ZFYVE28: variants seen among roughly 807,000 people sequenced by gnomAD.
ZFYVE28 encodes the protein lateral signaling target protein 2 homolog.
ZFYVE28 carries 40 observed loss-of-function variants against 82.1 expected under a neutral mutation model. That is an observed-to-expected ratio of 0.49 (90% CI 0.38 to 0.63). ZFYVE28 has a LOEUF of 0.63. Among genes scored for constraint, ZFYVE28 ranks in the 30% least tolerant of loss-of-function variants. The pLI is 0.00. For missense variants in ZFYVE28, 1,321 were observed against 1,242.1 expected (o/e 1.06, Z -0.96); for synonymous variants, 612 against 546.1 (o/e 1.12, Z -1.68).
chr4:2,330,370 G>A (rs1720476194), intron 6 of ZFYVE28: 22 of 1,001,094 alleles, frequency 2.2e-5, no homozygotes, highest in Non-Finnish European at 2.6e-5. Context: ...ACATCGCAGA[G>A]GGAGGTACAG....
chr4:2,330,756 G>T (rs1264697552), intron 6 of ZFYVE28: 16 of 1,504,880 alleles, frequency 1.1e-5, no homozygotes, highest in Non-Finnish European at 1.4e-5. Flanking sequence ...GCGGGGGAGG[G>T]GACAGTGTGG....
rs1323244775 is a variant in ZFYVE28 at position 2,394,993 on chromosome 4, CAGG to C, written c.39+23289_39+23291del. 1.3e-5 allele frequency among the ~76,000 whole-genome samples: 2 copies of C among 152,212 alleles called. No homozygotes were observed. Among genetic ancestry groups the C allele is most frequent in the African/African-American group, 2.4e-5 (1 of 41,456 alleles). Reference sequence around the variant, plus strand: ...CCAGGAGAAGCTTCTGTCTTCTTTCCAGGAGATGAAATGAAATGGCACAGGGTG... The same window carrying C: ...CCAGGAGAAGCTTCTGTCTTCTTTCCAGATGAAATGAAATGGCACAGGGTG... On this transcript the variant is annotated intron_variant, in intron 1 of 12. Coordinates refer to ENST00000290974, the MANE Select transcript of ZFYVE28 (RefSeq NM_020972.3). This position sits in a 1 kb window ranked among gnomAD's most constrained non-coding sequence, Gnocchi z 4.0.
Position 2,274,121 on chromosome 4 carries a change from A to ATCT in ZFYVE28, c.2144_2146dup (p.Lys715dup), listed in dbSNP as rs1346736316. On this transcript the variant is annotated inframe_insertion, in exon 9 of 13. Transcript: ENST00000290974. ...GTGGCTGCCGTGGAACCTGGACCGG[A>ATCT]TCTTCTCTCTTGTGGCCTGTGGGGC... is the stretch of plus-strand genomic sequence containing the variant. 2 of 1,613,560 alleles carry ATCT rather than the reference A, an allele frequency of 1.2e-6. No individual in the cohort carries two copies. The highest frequency in any genetic ancestry group is 3.3e-5 in the Admixed American group (2 of 60,018).
At chr4:2,415,337 C>T (rs2108692742) in intron 1 of ZFYVE28, among the ~76,000 whole-genome samples, 1 of 152,162 alleles carries the variant, frequency 6.6e-6, no homozygotes. Flanking sequence ...TCAGTGCTGG[C>T]CAAGCACAGT....
rs1276976009 is a variant in ZFYVE28 at position 2,409,491 on chromosome 4, C to T, written c.39+8794G>A. 6.6e-6 allele frequency among the ~76,000 whole-genome samples: 1 copy of T among 152,148 alleles called. No individual in the cohort carries two copies. The highest frequency in any genetic ancestry group is 1.5e-5 in the Non-Finnish European group (1 of 68,016). ...CACCTTGTCCCCTGTGCTCCAAGTG[C>T]ACCCAGCCTTTCAGGCTCCGCGACC... On this transcript the variant is annotated intron_variant, in intron 1 of 12. Transcript: ENST00000290974. The surrounding 1 kb of genome is among the most constrained non-coding windows in gnomAD (Gnocchi z 4.4).
At chr4:2,338,496 G>A (rs1348129020) in intron 4 of ZFYVE28, among the ~76,000 whole-genome samples, 1 of 152,190 alleles carries the variant, frequency 6.6e-6, no homozygotes, top group Non-Finnish European at 1.5e-5. Context: ...GGGAGGCCGA[G>A]GCAGGAGAAT....
Position 2,339,004 on chromosome 4 carries a change from G to A in ZFYVE28, c.521+449C>T, listed in dbSNP as rs1348716687. Among the ~76,000 whole-genome samples, 80 of 152,098 alleles carry A rather than the reference G, an allele frequency of 5.3e-4. No homozygotes were observed. Among genetic ancestry groups the A allele is most frequent in the Non-Finnish European group, 2.1e-4 (14 of 68,018 alleles). On this transcript the variant is annotated intron_variant, in intron 4 of 12. Transcript: ENST00000290974. This position sits in a 1 kb window ranked among gnomAD's most constrained non-coding sequence, Gnocchi z 5.0. ...TTTTGTATTTTTTTTAGTAGAGATG[G>A]GGTGTCACCGTGTTAGCCAGGATGG...
chr4:2,296,222 G>T (rs544164740), intron 8 of ZFYVE28, among the ~76,000 whole-genome samples: 2 of 152,184 alleles, frequency 1.3e-5, no homozygotes, highest in Non-Finnish European at 2.9e-5. Context: ...GCTGGCCTGC[G>T]TGCCTACTGC....
Position 2,305,330 on chromosome 4 carries a change from T to G in ZFYVE28, c.1010A>C (p.Tyr337Ser). The G allele has an allele frequency of 6.2e-7, 1 of 1,613,144 alleles. No individual in the cohort carries two copies. Among genetic ancestry groups the G allele is most frequent in the Non-Finnish European group, 8.5e-7 (1 of 1,180,014 alleles). The change falls in exon 8 of 13, where the codon TAC becomes TCC. Residue 337 changes from tyrosine to serine, a missense_variant. Coordinates refer to ENST00000290974, the MANE Select transcript of ZFYVE28 (RefSeq NM_020972.3). The stretch of plus-strand genomic sequence containing the variant: ...GAGCTGCTCCAGCTCCTGGTCGTCG[T>G]ACTGCATGGAGCAGGCCAGCTCTGC... Reference protein sequence around the residue: ...PDAELACSMQYDDQELEQLSR... With the variant: ...PDAELACSMQSDDQELEQLSR...
rs1273462629 is a variant in ZFYVE28 at position 2,270,076 on chromosome 4, G to A, written c.*649C>T. 6.5e-6 allele frequency: 1 copy of A among 152,846 alleles called. No individual in the cohort carries two copies. Among genetic ancestry groups the A allele is most frequent in the Non-Finnish European group, 1.5e-5 (1 of 68,534 alleles). 9.5% of individuals were successfully genotyped at this position (152,846 alleles called of 1,614,324 possible). A position where few individuals can be genotyped will look rare whatever the true frequency, so the allele number is the denominator to read the frequency against. On this transcript the variant is annotated 3_prime_UTR_variant, in exon 13 of 13. Coordinates refer to ENST00000290974, the MANE Select transcript of ZFYVE28 (RefSeq NM_020972.3). ...ATGCCATCAGCAAGGGGACAGTGGT[G>A]GGCAGACACCAGGAGCACCCTGCCT...
At chr4:2,412,377 G>C (rs1012493469) in intron 1 of ZFYVE28, among the ~76,000 whole-genome samples, 4 of 152,158 alleles carry the variant, frequency 2.6e-5, no homozygotes, top group African/African-American at 9.7e-5. Context: ...TGGGGTCATT[G>C]GTTGAGCTGT....
chr4:2,365,169 GGGA>G (rs946225487), intron 1 of ZFYVE28, among the ~76,000 whole-genome samples: 5 of 151,730 alleles, frequency 3.3e-5, no homozygotes, highest in African/African-American at 9.7e-5. Context: ...GAGGGGGCAG[GGGA>G]GGCGCGGGCG....
chr4:2,330,303 G>C, intron 6 of ZFYVE28: 1 of 989,274 alleles, frequency 1.0e-6, no homozygotes, highest in South Asian at 4.6e-5. Flanking sequence ...AAATAACAGA[G>C]TAAGTCACGC....
intron 1 of ZFYVE28, among the ~76,000 whole-genome samples, chr4:2,369,850 C>CTTT (rs1408650676): frequency 2.6e-4 from 16 of 61,038 alleles, no homozygotes; most frequent in African/African-American, 7.1e-4. Flanking sequence ...TTTTTCTTTT[C>CTTT]TTTTTTTTTT....
In ZFYVE28 at chr4:2,325,433, A is replaced by G. The variant is rs539434876; in HGVS notation, c.702-5162T>C. On this transcript the variant is annotated intron_variant, in intron 6 of 12. Coordinates refer to ENST00000290974, the MANE Select transcript of ZFYVE28 (RefSeq NM_020972.3). ...CTCAGGTGAAAAATCACTCTAACCT[A>G]TATCTGCTGGCATTACAAAAAATCA... is the stretch of plus-strand genomic sequence containing the variant. Among the ~76,000 whole-genome samples the G allele has an allele frequency of 7.2e-5, 11 of 152,058 alleles. 1 individual carries two copies. The Middle Eastern group carries it at 0.014, about 188-fold the overall frequency.
chr4:2,325,891 T>C (rs1297765346), intron 6 of ZFYVE28, among the ~76,000 whole-genome samples: 1 of 152,060 alleles, frequency 6.6e-6, no homozygotes, highest in Non-Finnish European at 1.5e-5. Flanking sequence ...CCATGCCCAG[T>C]CTCTTACCCA....
At chr4:2,329,740 T>A (rs751936790) in intron 6 of ZFYVE28, among the ~76,000 whole-genome samples, 1 of 152,272 alleles carries the variant, frequency 6.6e-6, no homozygotes, top group Non-Finnish European at 1.5e-5. Context: ...TTGTGCTTAA[T>A]ACACTGGGGA....
At chr4:2,301,207 G>A (rs1242040941) in intron 8 of ZFYVE28, among the ~76,000 whole-genome samples, 1 of 152,176 alleles carries the variant, frequency 6.6e-6, no homozygotes, top group Non-Finnish European at 1.5e-5. Flanking sequence ...TGGGTCTCCG[G>A]TGCTTGGCCC....
chr4:2,361,510 C>A (rs1246332434), intron 1 of ZFYVE28, among the ~76,000 whole-genome samples: 1 of 152,212 alleles, frequency 6.6e-6, no homozygotes, highest in Non-Finnish European at 1.5e-5. Context: ...CCACCGGGCT[C>A]AGAGTTTACA....
Sources: gnomAD v4.1 joint callset for allele counts (sites outside exome capture counted in the v4.1 genomes callset) on GRCh38, gnomAD v4.1.1 for gene constraint, Gnocchi (gnomAD v3.1) non-coding constraint, MANE v1.5 for transcripts, NCBI Gene and HGNC (gene_info 2026-07-23, HGNC 2026-07-21) for gene names.